PAK1: variants seen among roughly 807,000 people sequenced by gnomAD.
PAK1 encodes the protein p21 (RAC1) activated kinase 1, also known as serine/threonine-protein kinase PAK 1.
In PAK1, 29 loss-of-function variants were observed where a neutral mutation model predicts 67.4. The ratio of observed to expected loss-of-function variants is 0.43; its 90% CI spans 0.32 to 0.59. PAK1 has a LOEUF of 0.59. Among genes scored for constraint, PAK1 ranks in the 20% least tolerant of loss-of-function variants. The pLI is 0.07. For synonymous variants in PAK1, 223 were observed against 237.4 expected (o/e 0.94, Z 0.56); for missense variants, 337 against 670.7 (o/e 0.50, Z 5.50).
chr11:77,346,180 G>A (rs1475937134), intron 9 of PAK1, among the ~76,000 whole-genome samples: 2 of 151,954 alleles, frequency 1.3e-5, no homozygotes, highest in East Asian at 3.9e-4. Context: ...CACCACGTTG[G>A]CCAGGCTGGT....
chr11:77,332,349 AAAGGGAAGGGAAGGGAAAGGAAGGG>A (rs1565577560), intron 14 of PAK1, among the ~76,000 whole-genome samples: 1 of 2,224 alleles, frequency 4.5e-4, no homozygotes, highest in African/African-American at 1.9e-3. Flanking sequence ...GAGGGGGGGG[AAAGGGAAGGGAAGGGAAAGGAAGGG>A]AAGGGAAGGG....
intron 6 of PAK1, 36 bp from the exon 7 acceptor site, chr11:77,355,878 C>T: frequency 6.7e-7 from 1 of 1,484,008 alleles, no homozygotes; most frequent in East Asian, 2.3e-5. Flanking sequence ...CAAGACCAGC[C>T]TTTGTTAGCA....
At chr11:77,400,277 A>C (rs1338880979) in intron 1 of PAK1, among the ~76,000 whole-genome samples, 4 of 152,226 alleles carry the variant, frequency 2.6e-5, no homozygotes, top group African/African-American at 9.6e-5. Flanking sequence ...CTAAAATGGG[A>C]GACTGAAAAA....
intron 1 of PAK1, among the ~76,000 whole-genome samples, chr11:77,409,227 T>C (rs1165145008): frequency 6.6e-6 from 1 of 152,036 alleles, no homozygotes; most frequent in African/African-American, 2.4e-5. Flanking sequence ...GCCATGATCG[T>C]ACCATTGCAC....
chr11:77,361,585 G>A (rs955733827), intron 5 of PAK1, among the ~76,000 whole-genome samples: 1 of 151,964 alleles, frequency 6.6e-6, no homozygotes, highest in African/African-American at 2.4e-5. Flanking sequence ...TTTTTAAAGT[G>A]CTTTATTAAG....
At chr11:77,349,060 G>A (rs1591821988) in intron 9 of PAK1, among the ~76,000 whole-genome samples, 179 bp downstream of exon 9, 3 of 151,444 alleles carry the variant, frequency 2.0e-5, no homozygotes, top group African/African-American at 7.3e-5. Context: ...AGTAGGCGGA[G>A]GCTGCAGTGA....
At chr11:77,470,736 T>TA (rs1264136288) in intron 1 of PAK1, among the ~76,000 whole-genome samples, 1 of 152,208 alleles carries the variant, frequency 6.6e-6, no homozygotes, top group East Asian at 1.9e-4. Context: ...AGTTTTAAGT[T>TA]AAAAGACTCA....
At chr11:77,444,027 A>T (rs1956480544) in intron 1 of PAK1, among the ~76,000 whole-genome samples, 1 of 152,212 alleles carries the variant, frequency 6.6e-6, no homozygotes, top group South Asian at 2.1e-4. Flanking sequence ...TCTATAAATG[A>T]GCAAACTGAG....
chr11:77,341,326 C>T (rs553724700), intron 10 of PAK1, among the ~76,000 whole-genome samples: 21 of 152,156 alleles, frequency 1.4e-4, no homozygotes, highest in African/African-American at 2.4e-4. Context: ...AAATATTAAA[C>T]GAAATAATGT....
chr11:77,340,793 G>A (rs1323230960), intron 10 of PAK1, 30 bp from the exon 11 acceptor site: 1 of 1,176,196 alleles, frequency 8.5e-7, no homozygotes, highest in African/African-American at 1.5e-5. Context: ...GGGTGAGAGA[G>A]AACAATCAGA....
At chr11:77,448,183 C>T (rs1195237776) in intron 1 of PAK1, among the ~76,000 whole-genome samples, 2 of 152,148 alleles carry the variant, frequency 1.3e-5, no homozygotes, top group Non-Finnish European at 2.9e-5. Context: ...ACCTCAATTA[C>T]CTCATATGTA....
chr11:77,517,002 T>A, the PAK1 span, among the ~76,000 whole-genome samples: 7 of 151,982 alleles, frequency 4.6e-5, no homozygotes, highest in Admixed American at 4.6e-4. Context: ...TGAGACCCTG[T>A]CTCAAAAAAT....
intron 1 of PAK1, among the ~76,000 whole-genome samples, chr11:77,462,858 C>CAAAAAAAAAAAAAGTCATGTGTCTCA (rs1957417250): frequency 3.1e-5 from 4 of 127,260 alleles, no homozygotes; most frequent in African/African-American, 1.2e-4. Context: ...TCATGTGTCT[C>CAAAAAAAAAAAAAGTCATGTGTCTCA]AAAAAAAAAA....
chr11:77,414,244 A>G (rs1054539420), intron 1 of PAK1, among the ~76,000 whole-genome samples: 3 of 152,252 alleles, frequency 2.0e-5, no homozygotes, highest in Non-Finnish European at 4.4e-5. Flanking sequence ...TCATTCAACA[A>G]CTATTTAAGC....
chr11:77,446,531 A>AAAAG (rs1292454884), intron 1 of PAK1, among the ~76,000 whole-genome samples: 32 of 150,946 alleles, frequency 2.1e-4, no homozygotes, highest in African/African-American at 6.8e-4. Flanking sequence ...AAAAAAAAAA[A>AAAAG]AAAGAAAGTT....
intron 1 of PAK1, among the ~76,000 whole-genome samples, chr11:77,415,011 G>T (rs1262574512): frequency 6.6e-6 from 1 of 151,942 alleles, no homozygotes; most frequent in Non-Finnish European, 1.5e-5. Context: ...AATATACATA[G>T]AACTCTTAAA....
the PAK1 span, among the ~76,000 whole-genome samples, chr11:77,481,673 C>CAAAA: frequency 4.2e-5 from 4 of 94,428 alleles, 1 homozygote; most frequent in African/African-American, 1.2e-4. Context: ...GACTCCATCT[C>CAAAA]AAAAAAAAAA....
chr11:77,431,366 A>T (rs1319434781), intron 1 of PAK1, among the ~76,000 whole-genome samples: 1 of 152,184 alleles, frequency 6.6e-6, no homozygotes, highest in East Asian at 1.9e-4. Context: ...TAGAAGTGTT[A>T]TTCTCTAAGG....
chr11:77,431,354 A>G (rs1955850389), intron 1 of PAK1, among the ~76,000 whole-genome samples: 1 of 152,214 alleles, frequency 6.6e-6, no homozygotes, highest in Admixed American at 6.5e-5. Context: ...GAGATTATGC[A>G]ATAGAAGTGT....
Sources: gnomAD v4.1 joint callset for allele counts (sites outside exome capture counted in the v4.1 genomes callset) on GRCh38, gnomAD v4.1.1 for gene constraint, MANE v1.5 for transcripts, NCBI Gene and HGNC (gene_info 2026-07-23, HGNC 2026-07-21) for gene names.